Variants in CFAP221 observed in about 807,000 individuals in gnomAD.
The protein encoded by CFAP221 is cilia- and flagella-associated protein 221.
In CFAP221, 97 loss-of-function variants were observed where a neutral mutation model predicts 113.1. The observed-to-expected ratio is 0.86, with a 90% CI of 0.73 to 1.02. CFAP221 has a LOEUF of 1.02. Ranked by LOEUF, CFAP221 falls within the 50% of genes least tolerant of loss-of-function variation. The pLI is 0.00. For missense variants in CFAP221, 1,025 were observed against 1,013.4 expected, an observed-to-expected ratio of 1.01 and a Z score of -0.16; for synonymous variants, 331 against 354.4, an observed-to-expected ratio of 0.93 and a Z score of 0.74.
chr2:119,630,828 A>G lies in CFAP221; in HGVS notation c.1901A>G (p.Lys634Arg), dbSNP rs745572291. 1.2e-6 allele frequency: 2 copies of G among 1,613,844 alleles called. No homozygotes were observed. Among genetic ancestry groups the G allele is most frequent in the African/African-American group, 1.3e-5 (1 of 74,932 alleles). Residue 634 changes from lysine (K) to arginine (R), a missense_variant, in exon 19 of 24, where the codon AAA (lysine) becomes AGA (arginine). Coordinates refer to ENST00000413369, the MANE Select transcript of CFAP221 (RefSeq NM_001271049.2). ...GACTCCACAACTCAGCTCTCTGGCA[A>G]AACATCAGTCTTGAGCATGAAACCA... ...KQDSTTQLSGKTSVLSMKPPE... is the reference protein window; with the variant it reads ...KQDSTTQLSGRTSVLSMKPPE...
chr2:119,623,376 C>G lies in CFAP221; in HGVS notation c.1411-2207C>G, dbSNP rs188311030. 4.7e-3 allele frequency among the ~76,000 whole-genome samples: 722 copies of G among 152,248 alleles called. 2 individuals are homozygous for G. The highest frequency in any genetic ancestry group is 0.016 in the African/African-American group (675 of 41,542). ...TCAAGGAAATAAGAGAGGACACAAA[C>G]AAATGGAAAAACATTCCATGCTCAT... On this transcript the variant is annotated intron_variant, in intron 14 of 23. Coordinates refer to ENST00000413369, the MANE Select transcript of CFAP221 (RefSeq NM_001271049.2).
At chr2:119,640,866 T>C (rs1324979083) in intron 21 of CFAP221, among the ~76,000 whole-genome samples, 1 of 152,240 alleles carries the variant, frequency 6.6e-6, no homozygotes, top group Non-Finnish European at 1.5e-5. Flanking sequence ...ACCTCAGCCA[T>C]GCCCCTTGGC....
chr2:119,627,518 G>GATATATATATATATATATATAT (rs57740311), intron 15 of CFAP221, 135 bp from the exon 16 acceptor site: 2 of 419,026 alleles, frequency 4.8e-6, no homozygotes, highest in African/African-American at 4.4e-5. Context: ...AGTAAAAGTG[G>GATATATATATATATATATATAT]ATATATATAT....
In CFAP221 at chr2:119,630,817, G is replaced by A. The variant is rs770532247; in HGVS notation, c.1890G>A (p.Gln630=). ...TALPKQDSTT[Q]LSGKTSVLSM... is the part of the protein sequence containing the mutation. ...TTCCGAAACAGGACTCCACAACTCA[G>A]CTCTCTGGCAAAACATCAGTCTTGA... is the stretch of plus-strand genomic sequence containing the variant. The change falls in exon 19 of 24, where the codon CAG becomes CAA. Residue 630 remains glutamine (Q), a synonymous_variant. Coordinates refer to ENST00000413369, the MANE Select transcript of CFAP221 (RefSeq NM_001271049.2). 10 of 1,613,848 alleles carry A rather than the reference G, an allele frequency of 6.2e-6. No homozygotes were observed. In the South Asian group the frequency reaches 1.1e-4, roughly 18 times the overall value.
At chr2:119,623,758 G>A (rs1686102611) in intron 14 of CFAP221, among the ~76,000 whole-genome samples, 1 of 152,178 alleles carries the variant, frequency 6.6e-6, no homozygotes, top group South Asian at 2.1e-4. Context: ...ACAAAAACAA[G>A]CAATGGGGAA....
At chr2:119,638,043 C>A (rs555408135) in intron 19 of CFAP221, 15 of 373,998 alleles carry the variant, frequency 4.0e-5, no homozygotes, top group Non-Finnish European at 7.1e-5. Context: ...AGCTCTTAAG[C>A]CAGAAAAGTG....
intron 14 of CFAP221, among the ~76,000 whole-genome samples, chr2:119,617,911 G>A (rs1685636543): frequency 6.6e-6 from 1 of 152,182 alleles, no homozygotes; most frequent in African/African-American, 2.4e-5. Context: ...CAGGACCTCT[G>A]CACTGGCTAC....
chr2:119,547,187 C>G (rs915765077), intron 2 of CFAP221, among the ~76,000 whole-genome samples: 1 of 152,122 alleles, frequency 6.6e-6, no homozygotes, highest in Non-Finnish European at 1.5e-5. Flanking sequence ...TATACTTGAC[C>G]ATTTCTGGGC....
intron 20 of CFAP221, among the ~76,000 whole-genome samples, chr2:119,639,404 G>A (rs528547101): frequency 6.6e-6 from 1 of 152,328 alleles, no homozygotes; most frequent in South Asian, 2.1e-4. Context: ...CGTGGCGCGC[G>A]TGTGCAGCTC....
chr2:119,647,027 G>A lies in CFAP221; in HGVS notation c.2295G>A (p.Glu765=), dbSNP rs1426713728. ...VPAILDALPE[E]DRLETVEREL... is the part of the protein sequence containing the mutation. ...CCATCCTTGATGCCTTACCAGAAGA[G>A]GACAGACTAGAAACAGTAGAACGGT... Residue 765 remains glutamate (E), a synonymous_variant, in exon 22 of 24, where the codon GAG becomes GAA. Coordinates refer to ENST00000413369, the MANE Select transcript of CFAP221 (RefSeq NM_001271049.2). 6.2e-7 allele frequency: 1 copy of A among 1,611,034 alleles called. No homozygotes were observed. Among genetic ancestry groups the A allele is most frequent in the South Asian group, 1.1e-5 (1 of 90,788 alleles).
rs1374030324 is a variant in CFAP221, at chr2:119,548,271, T to C, written c.140-814T>C. Among the ~76,000 whole-genome samples, 5 of 152,322 alleles carry C rather than the reference T, an allele frequency of 3.3e-5. No individual in the cohort carries two copies. The East Asian group carries it at 9.7e-4, about 29-fold the overall frequency. On this transcript the variant is annotated intron_variant, in intron 2 of 23. Coordinates refer to ENST00000413369, the MANE Select transcript of CFAP221 (RefSeq NM_001271049.2). ...GAGCCACCATGCCTACCTTTTATTT[T>C]TGATTACCAGCTGTGGGCAAGTTTC...
chr2:119,562,330 A>G (rs561764520), intron 6 of CFAP221, among the ~76,000 whole-genome samples: 32 of 151,624 alleles, frequency 2.1e-4, no homozygotes, highest in Admixed American at 1.1e-3. Context: ...TATTGGGTCA[A>G]TTAACTGAAA....
intron 7 of CFAP221, among the ~76,000 whole-genome samples, chr2:119,588,837 T>C (rs1178133294): frequency 6.6e-6 from 1 of 152,178 alleles, no homozygotes; most frequent in South Asian, 2.1e-4. Context: ...CTGGGTGTTA[T>C]ACATTTGTAC....
intron 14 of CFAP221, among the ~76,000 whole-genome samples, chr2:119,619,579 C>T (rs1470350236): frequency 6.6e-6 from 1 of 152,124 alleles, no homozygotes; most frequent in Non-Finnish European, 1.5e-5. Flanking sequence ...TAACCCCATC[C>T]GAAGGTCACC....
At position 119,629,974 on chromosome 2, in the gene CFAP221, A is replaced by G. The variant is rs760071801; in HGVS notation, c.1731+19A>G. The G allele has an allele frequency of 1.3e-6, 2 of 1,559,906 alleles. No homozygotes were observed. The highest frequency in any genetic ancestry group is 2.2e-5 in the East Asian group (1 of 44,586). On this transcript the variant is annotated intron_variant, in intron 17 of 23. Coordinates refer to ENST00000413369, the MANE Select transcript of CFAP221 (RefSeq NM_001271049.2). ...TCTGCAGGTCAGACCTGTCACATAA[A>G]TTAATTAATTGAGTTTCTTATTAAG...
At chr2:119,545,125 C>G (rs948593460) in intron 1 of CFAP221, 5 of 152,130 alleles carry the variant, frequency 3.3e-5, no homozygotes, top group African/African-American at 1.2e-4. Context: ...CACTGCCTGT[C>G]GCTTGATGTT....
At chr2:119,604,580 TC>T (rs1684593082) in intron 8 of CFAP221, 91 bp from the exon 9 acceptor site, 15 of 1,239,528 alleles carry the variant, frequency 1.2e-5, no homozygotes, top group Non-Finnish European at 1.5e-5. Flanking sequence ...ATAAGGGACT[TC>T]AAGTTGTGGT....
chr2:119,573,357 GAGGGACTCATTT>G (rs1013250021), intron 6 of CFAP221: 2 of 152,178 alleles, frequency 1.3e-5, no homozygotes, highest in Non-Finnish European at 2.9e-5. Context: ...TTACTCATAT[GAGGGACTCATTT>G]TATGTGCCCC....
chr2:119,630,712 C>T (rs1313020458), intron 18 of CFAP221, 35 bp downstream of exon 18: 1 of 1,604,948 alleles, frequency 6.2e-7, no homozygotes, highest in African/African-American at 1.3e-5. Flanking sequence ...TCTCTCTCAT[C>T]TTTTCCCTCT....
Sources: allele counts gnomAD v4.1 joint callset (sites outside exome capture counted in the v4.1 genomes callset), GRCh38; gene constraint gnomAD v4.1.1; transcripts MANE v1.5; gene names NCBI Gene and HGNC (gene_info 2026-07-23, HGNC 2026-07-21).